ESYT2: variants seen among roughly 807,000 people sequenced by gnomAD.
The protein encoded by ESYT2 is extended synaptotagmin 2, also known as extended synaptotagmin-2.
A neutral mutation model predicts 107.2 loss-of-function variants in ESYT2; 54 were observed. That is an observed-to-expected ratio of 0.50 (90% CI 0.40 to 0.63). The LOEUF (loss-of-function observed/expected upper bound fraction) is 0.63. ESYT2 is among the 30% of genes least tolerant of loss of function. The pLI is 0.00. For missense variants in ESYT2, 1,020 were observed against 1,094.5 expected (o/e 0.93, Z 0.96); for synonymous variants, 491 against 434.1 (o/e 1.13, Z -1.63).
In ESYT2 at chr7:158,744,953, A is replaced by G. The variant is rs1837347960; in HGVS notation, c.1645-1275T>C. Among the ~76,000 whole-genome samples, 7 of 152,378 alleles carry G rather than the reference A, an allele frequency of 4.6e-5. No individual in the cohort carries two copies. The South Asian group carries it at 1.4e-3, about 32-fold the overall frequency. On this transcript the variant is annotated intron_variant, in intron 16 of 22. Coordinates refer to ENST00000275418, the MANE Select transcript of ESYT2 (RefSeq NM_001367773.1). ...TTATTTTTAAAATCCAAGGTCCAGT[A>G]AGCATAGATTATTTTGAGAATACAG...
At chr7:158,738,422 C>T (rs1414703432) in intron 19 of ESYT2, among the ~76,000 whole-genome samples, 1 of 150,588 alleles carries the variant, frequency 6.6e-6, no homozygotes, top group Non-Finnish European at 1.5e-5. Flanking sequence ...TGCTACTGTG[C>T]TGAATACTGT....
At chr7:158,767,850 T>C (rs1194057162) in intron 7 of ESYT2, 76 bp from the exon 8 acceptor site, 2 of 1,509,984 alleles carry the variant, frequency 1.3e-6, no homozygotes, top group Admixed American at 1.9e-5. Context: ...ACAACAGACT[T>C]ACCACGAATA....
intron 1 of ESYT2, among the ~76,000 whole-genome samples, chr7:158,824,805 A>C: frequency 6.6e-6 from 1 of 152,322 alleles, no homozygotes; most frequent in African/African-American, 2.4e-5. Context: ...CAAATAAATA[A>C]AAATAGTAAT....
At chr7:158,737,282 AC>A in intron 19 of ESYT2, 103 bp from the exon 20 acceptor site, 2 of 1,416,850 alleles carry the variant, frequency 1.4e-6, no homozygotes, top group Non-Finnish European at 1.9e-6. Context: ...ATGTTTATCT[AC>A]AAACCGAGAA....
At chr7:158,734,661 C>T (rs566488324) in intron 21 of ESYT2, among the ~76,000 whole-genome samples, 190 bp from the exon 22 acceptor site, 8 of 152,326 alleles carry the variant, frequency 5.3e-5, no homozygotes, top group East Asian at 3.9e-4. Flanking sequence ...CGTGCTGACA[C>T]GCACCTTGGT....
chr7:158,822,686 C>T (rs1840318448), intron 1 of ESYT2, among the ~76,000 whole-genome samples: 1 of 151,912 alleles, frequency 6.6e-6, no homozygotes, highest in Non-Finnish European at 1.5e-5. Flanking sequence ...TGATTCACAC[C>T]TGTAGTCCCA....
At position 158,733,695 on chromosome 7, in the gene ESYT2, A is replaced by C. The variant is rs1836820143; in HGVS notation, c.*512T>G. On this transcript the variant is annotated 3_prime_UTR_variant, in exon 23 of 23. Transcript: ENST00000275418. ...ATAATATTTCAGCTTTTCTTTTCAA[A>C]AAGAAACACCACAAAATAGGTCACT... 6.6e-6 allele frequency: 1 copy of C among 152,500 alleles called. No individual in the cohort carries two copies. The highest frequency in any genetic ancestry group is 2.4e-5 in the African/African-American group (1 of 41,466). 9.4% of individuals were successfully genotyped at this position (152,500 alleles called of 1,614,324 possible). A position where few individuals can be genotyped will look rare whatever the true frequency, so the allele number is the denominator to read the frequency against.
At chr7:158,820,267 G>A (rs1840254471) in intron 1 of ESYT2, among the ~76,000 whole-genome samples, 1 of 152,116 alleles carries the variant, frequency 6.6e-6, no homozygotes. Context: ...CAATTACAAG[G>A]AATGAGTTCA....
At chr7:158,826,035 C>A (rs6967533) in intron 1 of ESYT2, among the ~76,000 whole-genome samples, 17,626 of 141,788 alleles carry the variant, frequency 0.12, 1,482 homozygotes, top group East Asian at 0.45. Context: ...AAAAAAAAAA[C>A]AAAAACAAAC....
At chr7:158,793,764 TA>T (rs111739569) in intron 3 of ESYT2, 38 bp from the exon 4 acceptor site, 51,192 of 1,123,036 alleles carry the variant, frequency 0.046, 46 homozygotes, top group South Asian at 0.063. Flanking sequence ...ATACAGAGGT[TA>T]AAAAAAAAAA....
chr7:158,794,850 C>T (rs761892282), intron 3 of ESYT2, among the ~76,000 whole-genome samples: 2 of 152,154 alleles, frequency 1.3e-5, no homozygotes, highest in African/African-American at 2.4e-5. Flanking sequence ...TAAAATCACA[C>T]CTCTCAACGA....
chr7:158,743,419 CAGCCGACACAG>C (rs1450555303), intron 17 of ESYT2, 99 bp downstream of exon 17: 4 of 1,411,166 alleles, frequency 2.8e-6, no homozygotes, highest in African/African-American at 3.0e-5. Context: ...CCCAGAGCTG[CAGCCGACACAG>C]AGCTTTCTTC....
intron 13 of ESYT2, among the ~76,000 whole-genome samples, chr7:158,757,644 T>A (rs1229291697): frequency 1.3e-5 from 2 of 152,162 alleles, no homozygotes; most frequent in Admixed American, 6.5e-5. Context: ...CGCCCCTTAA[T>A]CCCGCGCCAG....
intron 8 of ESYT2, 86 bp from the exon 9 acceptor site, chr7:158,764,939 C>A: frequency 1.5e-6 from 2 of 1,364,368 alleles, no homozygotes; most frequent in South Asian, 1.3e-5. Flanking sequence ...AACCCCGTCT[C>A]GAGAATTGGG....
chr7:158,741,452 G>T, intron 18 of ESYT2, 71 bp downstream of exon 18: 1 of 1,461,620 alleles, frequency 6.8e-7, no homozygotes, highest in South Asian at 1.4e-5. Context: ...TGCGTTAAAC[G>T]ACTCTCCCCC....
At chr7:158,741,380 G>C (rs1837195586) in intron 18 of ESYT2, 143 bp downstream of exon 18, 2 of 1,222,388 alleles carry the variant, frequency 1.6e-6, no homozygotes, top group Non-Finnish European at 1.1e-6. Flanking sequence ...ACAACCTGAA[G>C]TGCTTTCAGT....
chr7:158,763,603 C>A (rs73519543), intron 9 of ESYT2, among the ~76,000 whole-genome samples: 3,185 of 152,154 alleles, frequency 0.021, 110 homozygotes, highest in African/African-American at 0.071. Context: ...CCAGTAAATT[C>A]TTTTAGGACA....
rs1837208899 is a variant in ESYT2 at position 158,741,596 on chromosome 7, G to A, written c.2095C>T (p.Pro699Ser). Reference sequence around the variant, plus strand: ...AGCGAGATGTCCGAGGCGATGCTGGGGGTCGGCTCCTTGACTGAGATGTGG... The same window carrying A: ...AGCGAGATGTCCGAGGCGATGCTGGAGGTCGGCTCCTTGACTGAGATGTGG... The part of the protein sequence containing the change: ...PGHISVKEPT[P>S]SIASDISLPI... Residue 699 changes from proline to serine, a missense_variant, in exon 18 of 23, where the codon CCC (proline) becomes TCC (serine). Coordinates refer to ENST00000275418, the MANE Select transcript of ESYT2 (RefSeq NM_001367773.1). 2 of 1,611,608 alleles carry A rather than the reference G, an allele frequency of 1.2e-6. No individual in the cohort carries two copies. The highest frequency in any genetic ancestry group is 1.1e-5 in the South Asian group (1 of 91,070).
chr7:158,771,170 C>T (rs531939553), intron 7 of ESYT2, among the ~76,000 whole-genome samples: 5 of 152,260 alleles, frequency 3.3e-5, no homozygotes, highest in South Asian at 2.1e-4. Flanking sequence ...GTAGGCTTGC[C>T]GGGGCAGAAC....
Sources: allele counts gnomAD v4.1 joint callset (sites outside exome capture counted in the v4.1 genomes callset), GRCh38; gene constraint gnomAD v4.1.1; transcripts MANE v1.5; gene names NCBI Gene and HGNC (gene_info 2026-07-23, HGNC 2026-07-21).